The following IL23R variants were observed in gnomAD, a reference collection of about 807,000 sequenced individuals.
IL23R encodes the protein interleukin-23 receptor.
In IL23R, 34 loss-of-function variants were observed where a neutral mutation model predicts 56.9. That is an observed-to-expected ratio of 0.60 (90% CI 0.45 to 0.80). The LOEUF is 0.80. Among genes scored for constraint, IL23R ranks in the 30% least tolerant of loss-of-function variants. The pLI is 0.00. For synonymous variants in IL23R, 230 were observed against 249.2 expected (o/e 0.92, Z 0.73); for missense variants, 635 against 730.0 (o/e 0.87, Z 1.50).
intron 3 of IL23R, among the ~76,000 whole-genome samples, chr1:67,175,475 G>T (rs1410951028): frequency 1.3e-5 from 2 of 152,114 alleles, no homozygotes; most frequent in East Asian, 1.9e-4. Context: ...TGGAAAGTCT[G>T]CAGCCTTTAA....
At chr1:67,159,899 A>T (rs1294681403) in intron 1 of IL23R, among the ~76,000 whole-genome samples, 1 of 152,180 alleles carries the variant, frequency 6.6e-6, no homozygotes, top group East Asian at 1.9e-4. Context: ...GAAGACTCAG[A>T]CCTGCCCATG....
downstream of IL23R, among the ~76,000 whole-genome samples, chr1:67,264,960 A>C (rs1368342927): frequency 6.6e-6 from 1 of 152,230 alleles, no homozygotes; most frequent in African/African-American, 2.4e-5. Context: ...GGAACCCTAA[A>C]CAACAGTGTT....
At chr1:67,205,316 T>C (rs1409880186) in intron 5 of IL23R, among the ~76,000 whole-genome samples, 3 of 152,222 alleles carry the variant, frequency 2.0e-5, no homozygotes, top group Non-Finnish European at 4.4e-5. Flanking sequence ...TAGATAATAA[T>C]AGTATAATAG....
chr1:67,187,463 T>C (rs999885339), intron 4 of IL23R, among the ~76,000 whole-genome samples: 1 of 152,242 alleles, frequency 6.6e-6, no homozygotes, highest in Non-Finnish European at 1.5e-5. Context: ...ATATTTTATA[T>C]GACTATGTAT....
intron 2 of IL23R, among the ~76,000 whole-genome samples, chr1:67,168,621 C>CT (rs1038213495): frequency 5.3e-5 from 8 of 152,138 alleles, no homozygotes; most frequent in Non-Finnish European, 7.4e-5. Flanking sequence ...TATATTCAAA[C>CT]TTTACTGAAA....
At chr1:67,151,670 G>A (rs2102533695) in intron 1 of IL23R, among the ~76,000 whole-genome samples, 1 of 152,192 alleles carries the variant, frequency 6.6e-6, no homozygotes, top group South Asian at 2.1e-4. Flanking sequence ...TCTGTATATG[G>A]CTAGCCAGCT....
At chr1:67,143,768 GCTGTAGGTGA>G (rs1253992963) in intron 1 of IL23R, among the ~76,000 whole-genome samples, 1 of 152,180 alleles carries the variant, frequency 6.6e-6, no homozygotes, top group African/African-American at 2.4e-5. Context: ...TTTCTATGAA[GCTGTAGGTGA>G]CCTTGAGAAT....
intron 4 of IL23R, among the ~76,000 whole-genome samples, chr1:67,190,272 T>C (rs1647644733): frequency 6.6e-6 from 1 of 152,164 alleles, no homozygotes; most frequent in East Asian, 1.9e-4. Flanking sequence ...GGCCTCCTCA[T>C]GTTGGGGTGA....
At position 67,219,574 on chromosome 1, in the gene IL23R, G is replaced by T. The variant is rs542279299; in HGVS notation, c.799G>T (p.Val267Phe). The T allele has an allele frequency of 6.2e-7, 1 of 1,613,442 alleles. No individual in the cohort carries two copies. Among genetic ancestry groups the T allele is most frequent in the South Asian group, 1.1e-5 (1 of 91,074 alleles). ...TATTATTGTTACCCATCCATTTTAGGTTAAAGAATTTGACACCAATTTTAC... is the reference window on the plus strand; with the variant it reads ...TATTATTGTTACCCATCCATTTTAGTTTAAAGAATTTGACACCAATTTTAC... ...YKATTNQTWN[V>F]KEFDTNFTYV... Residue 267 changes from valine (V) to phenylalanine (F), a missense_variant and splice_region_variant, in exon 7 of 11, where the codon GTT (valine) becomes TTT (phenylalanine). Physicochemically the swap from Val to Phe is conservative, Grantham distance 50. Transcript: ENST00000347310.
upstream of IL23R, among the ~76,000 whole-genome samples, chr1:67,165,867 G>T (rs901725248): frequency 6.6e-6 from 1 of 152,176 alleles, no homozygotes; most frequent in East Asian, 1.9e-4. Context: ...GTTATAAGAT[G>T]AGTAAGTTCA....
At chr1:67,184,801 C>T (rs1343380596) in intron 4 of IL23R, among the ~76,000 whole-genome samples, 2 of 152,106 alleles carry the variant, frequency 1.3e-5, no homozygotes, top group Non-Finnish European at 2.9e-5. Flanking sequence ...TGGGATCATA[C>T]AAATGCTTAT....
At chr1:67,199,758 GC>G (rs112302622) in intron 4 of IL23R, among the ~76,000 whole-genome samples, 10 of 151,698 alleles carry the variant, frequency 6.6e-5, no homozygotes, top group African/African-American at 2.4e-4. Flanking sequence ...AGTGTTCAGG[GC>G]CCATTGAAAT....
intron 1 of IL23R, among the ~76,000 whole-genome samples, chr1:67,160,049 C>A (rs187941927): frequency 6.6e-6 from 1 of 152,042 alleles, no homozygotes; most frequent in Admixed American, 6.6e-5. Flanking sequence ...GATGAGGTTT[C>A]ACCATGTTGC....
chr1:67,205,269 T>C (rs1488545873), intron 5 of IL23R, among the ~76,000 whole-genome samples: 1 of 152,236 alleles, frequency 6.6e-6, no homozygotes, highest in East Asian at 1.9e-4. Flanking sequence ...TTAATTTTTG[T>C]TTTTCTCTGT....
At chr1:67,202,870 C>T (rs578160391) in intron 5 of IL23R, among the ~76,000 whole-genome samples, 2 of 152,178 alleles carry the variant, frequency 1.3e-5, no homozygotes, top group East Asian at 1.9e-4. Context: ...CCACCATGAC[C>T]GGCCTGAATA....
intron 9 of IL23R, 116 bp from the exon 10 acceptor site, chr1:67,255,721 G>A (rs1017962401): frequency 1.3e-5 from 8 of 623,216 alleles, no homozygotes; most frequent in African/African-American, 5.5e-5. Flanking sequence ...TTACAGGCAT[G>A]AGCCACTGTG....
intron 9 of IL23R, among the ~76,000 whole-genome samples, chr1:67,246,026 G>T (rs529330607): frequency 5.9e-5 from 9 of 152,150 alleles, no homozygotes; most frequent in Admixed American, 2.6e-4. Context: ...ACTTCTTCCT[G>T]GTTTAGTGTT....
intron 1 of IL23R, among the ~76,000 whole-genome samples, chr1:67,156,663 A>C (rs1166449606): frequency 6.6e-6 from 1 of 152,106 alleles, no homozygotes; most frequent in Non-Finnish European, 1.5e-5. Context: ...CCCTCCATGA[A>C]CCAAACTGAT....
At chr1:67,178,569 G>T (rs1296745817) in intron 3 of IL23R, among the ~76,000 whole-genome samples, 1 of 152,164 alleles carries the variant, frequency 6.6e-6, no homozygotes, top group Non-Finnish European at 1.5e-5. Flanking sequence ...TGCAAACAGG[G>T]ACAATTTGAC....
Sources: gnomAD v4.1 joint callset for allele counts (sites outside exome capture counted in the v4.1 genomes callset) on GRCh38, gnomAD v4.1.1 for gene constraint, MANE v1.5 for transcripts, NCBI Gene and HGNC (gene_info 2026-07-23, HGNC 2026-07-21) for gene names.